KAT6A: variants seen among roughly 807,000 people sequenced by gnomAD.
The protein encoded by KAT6A is histone acetyltransferase KAT6A.
KAT6A carries 9 observed loss-of-function variants against 198.4 expected under a neutral mutation model. That is an observed-to-expected ratio of 0.05 (90% CI 0.03 to 0.08). The LOEUF is 0.08. KAT6A is among the 10% of genes least tolerant of loss of function. The probability of loss-of-function intolerance (pLI) is 1.00; values close to 1 mark genes in which losing one functional copy is unlikely to be tolerated. For synonymous variants in KAT6A, 890 were observed against 883.0 expected, an observed-to-expected ratio of 1.01 and a Z score of -0.14; for missense variants, 2,077 against 2,509.9, an observed-to-expected ratio of 0.83 and a Z score of 3.69.
At chr8:41,984,307 T>C (rs981553318) in intron 3 of KAT6A, among the ~76,000 whole-genome samples, 2 of 152,184 alleles carry the variant, frequency 1.3e-5, no homozygotes, top group African/African-American at 4.8e-5. Context: ...AGATTCCACC[T>C]CACTCTCTCT....
intron 3 of KAT6A, among the ~76,000 whole-genome samples, chr8:41,986,579 T>C (rs1187695733): frequency 6.6e-6 from 1 of 152,094 alleles, no homozygotes; most frequent in Non-Finnish European, 1.5e-5. Flanking sequence ...AGAAAGTGTT[T>C]TATATATATA....
At chr8:42,000,733 C>A (rs923527614) in intron 2 of KAT6A, among the ~76,000 whole-genome samples, 1 of 152,064 alleles carries the variant, frequency 6.6e-6, no homozygotes, top group Non-Finnish European at 1.5e-5. Context: ...CTATGAAGAA[C>A]AATAACTGAT....
At chr8:42,024,101 G>A (rs1826680138) in intron 2 of KAT6A, among the ~76,000 whole-genome samples, 1 of 152,112 alleles carries the variant, frequency 6.6e-6, no homozygotes, top group South Asian at 2.1e-4. Flanking sequence ...CTAAAATAAT[G>A]ATAACAACTA....
chr8:41,943,378 A>G (rs1164656140), intron 13 of KAT6A, among the ~76,000 whole-genome samples: 2 of 152,096 alleles, frequency 1.3e-5, no homozygotes, highest in Admixed American at 1.3e-4. Flanking sequence ...CTTTCAATCT[A>G]TATTTACTTT....
intron 2 of KAT6A, among the ~76,000 whole-genome samples, chr8:42,033,240 C>A (rs1827214784): frequency 6.6e-6 from 1 of 151,996 alleles, no homozygotes; most frequent in Non-Finnish European, 1.5e-5. Flanking sequence ...GTGTTCCTGG[C>A]CCTGTGGAAT....
intron 2 of KAT6A, among the ~76,000 whole-genome samples, chr8:42,037,509 A>G (rs1316799784): frequency 6.6e-6 from 1 of 152,202 alleles, no homozygotes; most frequent in Non-Finnish European, 1.5e-5. Flanking sequence ...GACTTTACTA[A>G]GCTCAAAGAA....
rs762682306 is a variant in KAT6A at position 41,981,839 on chromosome 8, C to T, written c.825G>A (p.Ala275=). ...CATATTAGAAGGCAGAGATACTCAC[C>T]GCATTTTTGCCTTGATCTCGACAGG... The part of the protein sequence containing the change: ...CSSCRDQGKN[A]DNMLFCDSCD... The change falls in exon 4 of 17, where the codon GCG becomes GCA. Residue 275 remains alanine, a splice_region_variant and synonymous_variant. Transcript: ENST00000265713. 8 of 1,587,284 alleles carry T rather than the reference C, an allele frequency of 5.0e-6. No individual in the cohort carries two copies. Among genetic ancestry groups the T allele is most frequent in the Admixed American group, 3.3e-5 (2 of 59,932 alleles).
intron 2 of KAT6A, among the ~76,000 whole-genome samples, chr8:42,038,692 T>C (rs1827493584): frequency 6.6e-6 from 1 of 152,212 alleles, no homozygotes; most frequent in African/African-American, 2.4e-5. Context: ...TGATCCAAGA[T>C]TGCTACTGGC....
chr8:41,969,243 C>T (rs1316540310), intron 8 of KAT6A, among the ~76,000 whole-genome samples: 2 of 152,180 alleles, frequency 1.3e-5, no homozygotes, highest in Non-Finnish European at 2.9e-5. Flanking sequence ...TTTTGAAACA[C>T]AGGTTCAAGC....
intron 8 of KAT6A, chr8:41,957,226 G>A (rs200395257): frequency 1.4e-4 from 80 of 576,774 alleles, no homozygotes; most frequent in South Asian, 6.0e-4. Context: ...GCCCACACCC[G>A]CCTTTAACCT....
intron 2 of KAT6A, among the ~76,000 whole-genome samples, chr8:42,010,074 GC>G (rs1825952927): frequency 6.6e-6 from 1 of 152,082 alleles, no homozygotes; most frequent in African/African-American, 2.4e-5. Flanking sequence ...CAAGGCAGAG[GC>G]AGATGGATCA....
Position 41,941,081 on chromosome 8 carries a change from C to A in KAT6A, c.2800G>T (p.Asp934Tyr). ...EEQPSQDGKP[D>Y]LPKRRLSEGV... ...TCACTGAGTCTTCTCTTGGGAAGGT[C>A]AGGTTTCCCGTCCTGGCTTGGCTGC... The change falls in exon 15 of 17, where the codon GAC becomes TAC. Residue 934 changes from aspartate to tyrosine, a missense_variant. This residue lies in a region of KAT6A where 301 missense variants were observed against 272.2 expected (regional missense o/e 1.11). Transcript: ENST00000265713. The A allele has an allele frequency of 6.2e-7, 1 of 1,614,184 alleles. No homozygotes were observed. The highest frequency in any genetic ancestry group is 8.5e-7 in the Non-Finnish European group (1 of 1,180,042).
At chr8:42,012,659 G>A (rs1224080420) in intron 2 of KAT6A, among the ~76,000 whole-genome samples, 2 of 152,214 alleles carry the variant, frequency 1.3e-5, no homozygotes, top group Non-Finnish European at 2.9e-5. Flanking sequence ...CCTCAGGATA[G>A]TGAGGGAATA....
At position 41,964,940 on chromosome 8, in the gene KAT6A, T is replaced by C. The variant is rs533905081; in HGVS notation, c.1483-9529A>G. 1.6e-4 allele frequency among the ~76,000 whole-genome samples: 25 copies of C among 152,208 alleles called. No individual in the cohort carries two copies. The South Asian group carries it at 4.6e-3, about 28-fold the overall frequency. On this transcript the variant is annotated intron_variant, in intron 8 of 16. Coordinates refer to ENST00000265713, the MANE Select transcript of KAT6A (RefSeq NM_006766.5). ...AATTCAGACCTTGGCAAGCCAAGGG[T>C]AACTGAAACCATGGAAAGCAAAACC...
At chr8:41,969,081 T>C (rs1164639023) in intron 8 of KAT6A, among the ~76,000 whole-genome samples, 1 of 152,144 alleles carries the variant, frequency 6.6e-6, no homozygotes, top group Non-Finnish European at 1.5e-5. Flanking sequence ...TGATAGCCCC[T>C]CCCCGTACCA....
chr8:41,943,079 G>C (rs895189267), intron 13 of KAT6A, 79 bp from the exon 14 acceptor site: 18 of 1,561,864 alleles, frequency 1.2e-5, no homozygotes, highest in Non-Finnish European at 1.3e-5. Flanking sequence ...GAGACCCCTG[G>C]TGAAGCATGT....
intron 2 of KAT6A, among the ~76,000 whole-genome samples, chr8:42,002,295 T>C (rs1825534443): frequency 6.6e-6 from 1 of 152,212 alleles, no homozygotes; most frequent in South Asian, 2.1e-4. Context: ...TGATGTACTG[T>C]CTCTTTTCCT....
intron 2 of KAT6A, among the ~76,000 whole-genome samples, chr8:42,037,243 A>G (rs1009560237): frequency 5.3e-5 from 8 of 152,196 alleles, no homozygotes; most frequent in African/African-American, 1.9e-4. Context: ...AAGGCTTTGG[A>G]TTTATGTTAC....
chr8:42,041,188 G>A (rs1209718564), intron 2 of KAT6A, among the ~76,000 whole-genome samples: 22 of 83,530 alleles, frequency 2.6e-4, no homozygotes, highest in African/African-American at 6.9e-4. Context: ...GTGAGATTCC[G>A]TCTCAAAAAA....
Sources: gnomAD v4.1 joint callset for allele counts (sites outside exome capture counted in the v4.1 genomes callset) on GRCh38, gnomAD v4.1.1 for gene constraint, gnomAD v4.1.1 regional missense constraint, MANE v1.5 for transcripts, NCBI Gene and HGNC (gene_info 2026-07-23, HGNC 2026-07-21) for gene names.